The following ERICH2 variants were observed in gnomAD, a reference collection of about 807,000 sequenced individuals.
ERICH2 encodes glutamate-rich protein 2.
Under a neutral mutation model 17.4 loss-of-function variants are expected in ERICH2, and 17 were observed. The ratio of observed to expected loss-of-function variants is 0.98; its 90% CI spans 0.67 to 1.47. The LOEUF (loss-of-function observed/expected upper bound fraction) is 1.47. Ranked by LOEUF, ERICH2 falls within the 40% of genes most tolerant of loss-of-function variation. The pLI, the probability that ERICH2 is intolerant of heterozygous loss-of-function variation, is 0.00. For missense variants in ERICH2, 186 were observed against 183.2 expected, an observed-to-expected ratio of 1.01 and a Z score of -0.09; for synonymous variants, 51 against 61.1, an observed-to-expected ratio of 0.83 and a Z score of 0.77.
At chr2:170,787,880 G>GT (rs1701193489) in intron 2 of ERICH2, among the ~76,000 whole-genome samples, 1 of 152,114 alleles carries the variant, frequency 6.6e-6, no homozygotes, top group African/African-American at 2.4e-5. Flanking sequence ...CTGTCCTGTG[G>GT]TATCTGTTGT....
At chr2:170,786,995 A>G (rs778286120) in intron 2 of ERICH2, among the ~76,000 whole-genome samples, 6 of 151,772 alleles carry the variant, frequency 4.0e-5, no homozygotes, top group Admixed American at 2.6e-4. Flanking sequence ...TCTCCTGCTT[A>G]TGGGTCTTAT....
chr2:170,783,853 T>G (rs766652561), exon 1 of ERICH2: 1 of 1,550,540 alleles, frequency 6.4e-7, no homozygotes, highest in South Asian at 1.2e-5. Flanking sequence ...AGACTGTAAA[T>G]GAACCAGAAA....
At chr2:170,775,137 C>CTAAAGA in the ERICH2 span, among the ~76,000 whole-genome samples, 10 of 151,712 alleles carry the variant, frequency 6.6e-5, no homozygotes, top group East Asian at 2.0e-3. Context: ...GAGGACTGCT[C>CTAAAGA]TAAAGGTGGG....
upstream of ERICH2, among the ~76,000 whole-genome samples, chr2:170,780,229 A>G (rs1042014626): frequency 6.6e-6 from 1 of 152,206 alleles, no homozygotes; most frequent in Non-Finnish European, 1.5e-5. Context: ...GTTAGAGTAT[A>G]CTGGTTACCT....
rs1264838864 is a variant in ERICH2, at chr2:170,784,923, A to G, written c.216+90A>G. 9.3e-6 allele frequency: 10 copies of G among 1,079,010 alleles called. 1 individual carries two copies. In the South Asian group the frequency reaches 2.6e-4, roughly 28 times the overall value. The allele number at this position is 1,079,010 out of a possible 1,614,324, so 66.8% of individuals were successfully genotyped here. On this transcript the variant is annotated intron_variant, in intron 2 of 4. Coordinates refer to ENST00000409885, the Ensembl canonical transcript of ERICH2. ...ATTTAAAATCACTACTGTGAGAACT[A>G]AAAAAGTAGATCTCATGGAGGCAGA...
At chr2:170,796,839 C>T (rs564260129) in intron 3 of ERICH2, among the ~76,000 whole-genome samples, 37 of 152,074 alleles carry the variant, frequency 2.4e-4, no homozygotes, top group African/African-American at 8.4e-4. Context: ...CAATATTAAA[C>T]GGATGATGCA....
chr2:170,772,562 G>C, the ERICH2 span, among the ~76,000 whole-genome samples: 1 of 152,138 alleles, frequency 6.6e-6, no homozygotes, highest in Non-Finnish European at 1.5e-5. Flanking sequence ...CCAGAGTCTG[G>C]AATCCTAGCA....
the ERICH2 span, among the ~76,000 whole-genome samples, chr2:170,774,154 C>G: frequency 1.3e-5 from 2 of 152,146 alleles, no homozygotes; most frequent in Non-Finnish European, 2.9e-5. Context: ...TCTGCTTTTT[C>G]CCTGGAGTCA....
chr2:170,789,735 A>T (rs894853734), intron 2 of ERICH2, among the ~76,000 whole-genome samples: 7 of 152,196 alleles, frequency 4.6e-5, no homozygotes, highest in Non-Finnish European at 1.0e-4. Flanking sequence ...TACAAGGGAA[A>T]TTGATTCCAT....
intron 3 of ERICH2, 136 bp downstream of exon 8, chr2:170,793,056 A>G: frequency 2.0e-6 from 1 of 501,264 alleles, no homozygotes; most frequent in East Asian, 3.1e-5. Flanking sequence ...TTGATAATAA[A>G]TTAGGTTGAT....
At chr2:170,792,886 A>C (rs1701323098) in exon 3 of ERICH2, 1 of 1,518,726 alleles carries the variant, frequency 6.6e-7, no homozygotes, top group East Asian at 2.5e-5. Flanking sequence ...AAATGGCCCG[A>C]GAGTACCAGC....
chr2:170,794,981 C>T (rs916917058), intron 3 of ERICH2, among the ~76,000 whole-genome samples: 3 of 152,300 alleles, frequency 2.0e-5, no homozygotes, highest in Admixed American at 6.5e-5. Context: ...TGGTGACCCA[C>T]AAATATAGAA....
upstream of ERICH2, among the ~76,000 whole-genome samples, chr2:170,779,351 TC>T (rs1388099526): frequency 6.6e-6 from 1 of 152,170 alleles, no homozygotes; most frequent in Admixed American, 6.5e-5. Flanking sequence ...AAAAGTTTTT[TC>T]TTTGCTCTAG....
chr2:170,772,663 G>T, the ERICH2 span, among the ~76,000 whole-genome samples: 3 of 152,180 alleles, frequency 2.0e-5, no homozygotes, highest in African/African-American at 7.2e-5. Flanking sequence ...GACACCATTT[G>T]TATACACATT....
chr2:170,773,709 T>C, the ERICH2 span, among the ~76,000 whole-genome samples: 6 of 152,268 alleles, frequency 3.9e-5, no homozygotes, highest in African/African-American at 1.4e-4. Context: ...GCTCATCAAA[T>C]GTCTGGTATT....
At chr2:170,783,981 T>C (rs1381284031) in intron 1 of ERICH2, 2 of 1,417,858 alleles carry the variant, frequency 1.4e-6, no homozygotes, top group Non-Finnish European at 1.9e-6. Context: ...TCATTAGTTT[T>C]ACCTTTTTTT....
chr2:170,786,788 TA>T (rs1276560211), intron 2 of ERICH2, among the ~76,000 whole-genome samples: 26 of 152,210 alleles, frequency 1.7e-4, no homozygotes, highest in Non-Finnish European at 3.4e-4. Context: ...TCCTGCATTA[TA>T]TTTTTTTGCA....
At chr2:170,778,505 GCTT>G in the ERICH2 span, among the ~76,000 whole-genome samples, 2 of 151,600 alleles carry the variant, frequency 1.3e-5, no homozygotes, top group Non-Finnish European at 2.9e-5. Context: ...GTCCACCTTG[GCTT>G]TTGTTGTAAA....
At chr2:170,793,413 G>A (rs1293288699) in intron 3 of ERICH2, among the ~76,000 whole-genome samples, 4 of 152,204 alleles carry the variant, frequency 2.6e-5, no homozygotes, top group African/African-American at 4.8e-5. Context: ...TAGGTGCCAT[G>A]GTGAGAAATA....
Sources: gnomAD v4.1 joint callset for allele counts (sites outside exome capture counted in the v4.1 genomes callset) on GRCh38, gnomAD v4.1.1 for gene constraint, MANE v1.5 for transcripts, NCBI Gene and HGNC (gene_info 2026-07-23, HGNC 2026-07-21) for gene names.